The following SMTNL2 variants were observed in gnomAD, a reference collection of about 807,000 sequenced individuals.
The protein encoded by SMTNL2 is smoothelin like 2.
A neutral mutation model predicts 44.1 loss-of-function variants in SMTNL2; 43 were observed. The ratio of observed to expected loss-of-function variants is 0.98; its 90% CI spans 0.76 to 1.26. The LOEUF is 1.26. Among genes scored for constraint, SMTNL2 ranks in the 50% most tolerant of loss-of-function variants. SMTNL2 has a pLI of 0.00. For synonymous variants in SMTNL2, 317 were observed against 287.6 expected (o/e 1.10, Z -1.03); for missense variants, 646 against 670.2 (o/e 0.96, Z 0.40).
At chr17:4,603,500 A>C (rs1157667002) in intron 7 of SMTNL2, among the ~76,000 whole-genome samples, 1 of 152,116 alleles carries the variant, frequency 6.6e-6, no homozygotes, top group East Asian at 1.9e-4. Context: ...CCTTGGAGGA[A>C]ATTGGGTCCC....
At chr17:4,599,064 CCTCTCTGGGGCAG>C (rs1343260206) in intron 7 of SMTNL2, among the ~76,000 whole-genome samples, 1 of 152,162 alleles carries the variant, frequency 6.6e-6, no homozygotes, top group African/African-American at 2.4e-5. Flanking sequence ...GATAGCTGCC[CCTCTCTGGGGCAG>C]CAACTCTCTC....
chr17:4,600,250 T>C lies in SMTNL2; in HGVS notation c.1259+2927T>C, dbSNP rs963494193. On this transcript the variant is annotated intron_variant, in intron 7 of 7. Coordinates refer to ENST00000389313, the MANE Select transcript of SMTNL2 (RefSeq NM_001114974.2). This position sits in a 1 kb window ranked among gnomAD's most constrained non-coding sequence, Gnocchi z 4.7. Reference sequence around the variant, plus strand: ...GCTGGCAGGAAAGCGCAGGGACACCTGCCTGAGGGTACTAGCTGTCAGTGT... The same window carrying C: ...GCTGGCAGGAAAGCGCAGGGACACCCGCCTGAGGGTACTAGCTGTCAGTGT... Among the ~76,000 whole-genome samples the C allele has an allele frequency of 1.3e-5, 2 of 152,216 alleles. No homozygotes were observed. The highest frequency in any genetic ancestry group is 4.8e-5 in the African/African-American group (2 of 41,448).
chr17:4,587,672 T>C (rs1431271663), intron 1 of SMTNL2, among the ~76,000 whole-genome samples: 2 of 152,114 alleles, frequency 1.3e-5, no homozygotes, highest in East Asian at 3.9e-4. Flanking sequence ...ATTGTAGAGG[T>C]TGGTGTCACA....
intron 7 of SMTNL2, among the ~76,000 whole-genome samples, chr17:4,599,497 C>T (rs575969737): frequency 6.6e-6 from 1 of 151,918 alleles, no homozygotes; most frequent in Non-Finnish European, 1.5e-5. Context: ...CTCCAGCACC[C>T]ACTCCAGCGG....
chr17:4,592,922 G>A lies in SMTNL2; in HGVS notation c.488-7G>A. On this transcript the variant is annotated splice_region_variant and splice_polypyrimidine_tract_variant and intron_variant, in intron 2 of 7. Transcript: ENST00000389313. The surrounding 1 kb of genome is among the most constrained non-coding windows in gnomAD (Gnocchi z 4.5). Reference sequence around the variant, plus strand: ...GACCACCCACCCATGCTGGTCACATGTTCCAGGTCCAGGCGATGGACCCCC... The same window carrying A: ...GACCACCCACCCATGCTGGTCACATATTCCAGGTCCAGGCGATGGACCCCC... 2 of 1,607,238 alleles carry A rather than the reference G, an allele frequency of 1.2e-6. No individual in the cohort carries two copies. Among genetic ancestry groups the A allele is most frequent in the Non-Finnish European group, 1.7e-6 (2 of 1,175,080 alleles).
At chr17:4,596,603 AG>A (rs138962130) in intron 5 of SMTNL2, among the ~76,000 whole-genome samples, 2,720 of 152,290 alleles carry the variant, frequency 0.018, 78 homozygotes, top group African/African-American at 0.059. Context: ...GGGAATAAAC[AG>A]GGGACCTGGA....
At position 4,600,723 on chromosome 17, in the gene SMTNL2, C is replaced by A. The variant is rs139054350; in HGVS notation, c.1259+3400C>A. 6.6e-6 allele frequency among the ~76,000 whole-genome samples: 1 copy of A among 152,158 alleles called. No individual in the cohort carries two copies. The highest frequency in any genetic ancestry group is 2.4e-5 in the African/African-American group (1 of 41,440). On this transcript the variant is annotated intron_variant, in intron 7 of 7. Coordinates refer to ENST00000389313, the MANE Select transcript of SMTNL2 (RefSeq NM_001114974.2). The surrounding 1 kb of genome is among the most constrained non-coding windows in gnomAD (Gnocchi z 4.7). Reference sequence around the variant, plus strand: ...GCCCCTTTTATGGAAGGGGCTGAGTCGGGCGGGCGCCTGACCCTTCTGCAC... The same window carrying A: ...GCCCCTTTTATGGAAGGGGCTGAGTAGGGCGGGCGCCTGACCCTTCTGCAC...
At chr17:4,593,305 A>G in intron 3 of SMTNL2, 134 bp downstream of exon 3, 4 of 1,314,350 alleles carry the variant, frequency 3.0e-6, no homozygotes, top group Non-Finnish European at 3.0e-6. Context: ...TCTGCCTGCC[A>G]TGTCAGCCCC....
At chr17:4,594,957 C>G in intron 4 of SMTNL2, 188 bp from the exon 5 acceptor site, 1 of 734,660 alleles carries the variant, frequency 1.4e-6, no homozygotes, top group Non-Finnish European at 2.2e-6. Flanking sequence ...ATTGGCCAGT[C>G]CCTCCAGCCA....
Position 4,593,907 on chromosome 17 carries a change from G to A in SMTNL2, c.806+10G>A, listed in dbSNP as rs1471412780. 1.2e-6 allele frequency: 2 copies of A among 1,613,758 alleles called. No individual in the cohort carries two copies. Among genetic ancestry groups the A allele is most frequent in the South Asian group, 2.2e-5 (2 of 91,078 alleles). ...GCAAACACAGCAATAGGTGAGTCAG[G>A]GCCTGTGTTCCTGTGGGGTCGCTGC... On this transcript the variant is annotated intron_variant, in intron 4 of 7. Transcript: ENST00000389313.
In SMTNL2 at chr17:4,598,191, A is replaced by G. The variant is rs1909895669; in HGVS notation, c.1259+868A>G. Among the ~76,000 whole-genome samples, 1 of 152,182 alleles carries G rather than the reference A, an allele frequency of 6.6e-6. No individual in the cohort carries two copies. The highest frequency in any genetic ancestry group is 2.1e-4 in the South Asian group (1 of 4,836). On this transcript the variant is annotated intron_variant, in intron 7 of 7. Coordinates refer to ENST00000389313, the MANE Select transcript of SMTNL2 (RefSeq NM_001114974.2). This position sits in a 1 kb window ranked among gnomAD's most constrained non-coding sequence, Gnocchi z 4.8. ...TGCAGTCAGCTCGCTGCGACCTGGCAGGGAGGGAGCTGTGGATAAGTGTCC... is the reference window on the plus strand; with the variant it reads ...TGCAGTCAGCTCGCTGCGACCTGGCGGGGAGGGAGCTGTGGATAAGTGTCC...
Position 4,600,724 on chromosome 17 carries a change from G to C in SMTNL2, c.1259+3401G>C, listed in dbSNP as rs569412975. ...CCCCTTTTATGGAAGGGGCTGAGTC[G>C]GGCGGGCGCCTGACCCTTCTGCACC... On this transcript the variant is annotated intron_variant, in intron 7 of 7. Transcript: ENST00000389313. The surrounding 1 kb of genome is among the most constrained non-coding windows in gnomAD (Gnocchi z 4.7). 6.6e-4 allele frequency among the ~76,000 whole-genome samples: 101 copies of C among 152,258 alleles called. No homozygotes were observed. The highest frequency in any genetic ancestry group is 2.3e-3 in the African/African-American group (96 of 41,552).
chr17:4,602,036 C>T (rs1354157725), intron 7 of SMTNL2, among the ~76,000 whole-genome samples: 2 of 152,008 alleles, frequency 1.3e-5, no homozygotes, highest in Admixed American at 6.6e-5. Context: ...GGTCAAATAT[C>T]CCTTATCCAA....
chr17:4,593,471 T>A (rs1273438069), intron 3 of SMTNL2, among the ~76,000 whole-genome samples: 4 of 152,262 alleles, frequency 2.6e-5, no homozygotes, highest in African/African-American at 9.6e-5. Context: ...CAGGCCTGAC[T>A]TGGGCCTGTG....
chr17:4,585,032 C>G (rs1421871358), intron 1 of SMTNL2, 28 bp downstream of exon 1: 116 of 1,304,664 alleles, frequency 8.9e-5, no homozygotes, highest in Non-Finnish European at 1.1e-4. Context: ...CGTGCGCTGG[C>G]GCCAGGGAGT....
chr17:4,607,437 G>A lies in SMTNL2; in HGVS notation c.1336G>A (p.Val446Ile). The stretch of plus-strand genomic sequence containing the variant: ...GGGCCGCAAGCCGGACCCCATGTGT[G>A]TCTTCACCTACGTCCAGTCGCTGTA... ...VMGRKPDPMCVFTYVQSLYNH... is the reference protein window; with the variant it reads ...VMGRKPDPMCIFTYVQSLYNH... Residue 446 changes from valine to isoleucine, a missense_variant, in exon 8 of 8, where the codon GTC becomes ATC. Coordinates refer to ENST00000389313, the MANE Select transcript of SMTNL2 (RefSeq NM_001114974.2). The surrounding 1 kb of genome is among the most constrained non-coding windows in gnomAD (Gnocchi z 4.7). 1 of 1,614,232 alleles carries A rather than the reference G, an allele frequency of 6.2e-7. No individual in the cohort carries two copies. The highest frequency in any genetic ancestry group is 1.3e-5 in the African/African-American group (1 of 75,060).
At chr17:4,591,931 C>T (rs1365696998) in intron 1 of SMTNL2, among the ~76,000 whole-genome samples, 1 of 152,246 alleles carries the variant, frequency 6.6e-6, no homozygotes, top group African/African-American at 2.4e-5. Context: ...TCATCGTTGG[C>T]CCAGAAGGAC....
intron 7 of SMTNL2, among the ~76,000 whole-genome samples, chr17:4,597,904 G>A (rs1909881651): frequency 6.6e-6 from 1 of 152,208 alleles, no homozygotes; most frequent in South Asian, 2.1e-4. Context: ...AGCCAGTTCG[G>A]GATTTGGTTT....
At chr17:4,588,676 G>A (rs1483086574) in intron 1 of SMTNL2, among the ~76,000 whole-genome samples, 15 of 152,194 alleles carry the variant, frequency 9.9e-5, no homozygotes, top group African/African-American at 2.4e-4. Flanking sequence ...CCAGTCCCCC[G>A]CCTTTTCCTC....
Sources: allele counts gnomAD v4.1 joint callset (sites outside exome capture counted in the v4.1 genomes callset), GRCh38; gene constraint gnomAD v4.1.1; non-coding constraint Gnocchi (gnomAD v3.1); transcripts MANE v1.5; gene names NCBI Gene and HGNC (gene_info 2026-07-23, HGNC 2026-07-21).